Variants in TASP1 observed in about 807,000 individuals in gnomAD.
The protein encoded by TASP1 is threonine aspartase 1.
TASP1 carries 16 observed loss-of-function variants against 56.6 expected under a neutral mutation model. That is an observed-to-expected ratio of 0.28 (90% CI 0.19 to 0.43). The LOEUF is 0.43. TASP1 is among the 20% of genes least tolerant of loss of function. The pLI is 1.00. For missense variants in TASP1, 393 were observed against 511.6 expected (o/e 0.77, Z 2.24); for synonymous variants, 179 against 184.2 (o/e 0.97, Z 0.23).
intron 13 of TASP1, among the ~76,000 whole-genome samples, chr20:13,402,213 C>A (rs943272431): frequency 1.3e-5 from 2 of 152,106 alleles, no homozygotes; most frequent in African/African-American, 4.8e-5. Context: ...TGCTTTGGAG[C>A]AATGTTGAAT....
the TASP1 span, among the ~76,000 whole-genome samples, chr20:13,306,128 G>A: frequency 6.6e-6 from 1 of 152,160 alleles, no homozygotes; most frequent in African/African-American, 2.4e-5. Context: ...CTTGAGGCAT[G>A]TAATTCATGG....
chr20:13,635,572 G>A (rs2049275156), intron 1 of TASP1, among the ~76,000 whole-genome samples: 1 of 151,914 alleles, frequency 6.6e-6, no homozygotes, highest in African/African-American at 2.4e-5. Context: ...ATTTTTAGTA[G>A]AGACAGGAAT....
At chr20:13,107,643 C>T in the TASP1 span, among the ~76,000 whole-genome samples, 1 of 152,100 alleles carries the variant, frequency 6.6e-6, no homozygotes, top group Non-Finnish European at 1.5e-5. Context: ...AACAAAGATC[C>T]ACCATTCTTC....
chr20:13,121,026 A>G, the TASP1 span, among the ~76,000 whole-genome samples: 5 of 152,354 alleles, frequency 3.3e-5, no homozygotes, highest in African/African-American at 1.2e-4. Flanking sequence ...TCTTTGAAGG[A>G]AAGCCTAAGC....
At chr20:13,592,699 A>G (rs1283768744) in intron 4 of TASP1, among the ~76,000 whole-genome samples, 2 of 151,892 alleles carry the variant, frequency 1.3e-5, no homozygotes. Context: ...TTTCTATTTC[A>G]TTGATTTCTA....
the TASP1 span, among the ~76,000 whole-genome samples, chr20:13,260,859 G>A: frequency 6.6e-6 from 1 of 152,184 alleles, no homozygotes; most frequent in African/African-American, 2.4e-5. Flanking sequence ...TGGGTCAGCA[G>A]GGTGGCTCTC....
At chr20:13,367,378 A>G in the TASP1 span, among the ~76,000 whole-genome samples, 3 of 152,228 alleles carry the variant, frequency 2.0e-5, no homozygotes, top group African/African-American at 7.2e-5. Context: ...CCCATTCATC[A>G]TCATAATAGT....
the TASP1 span, among the ~76,000 whole-genome samples, chr20:13,247,594 T>G: frequency 6.7e-6 from 1 of 149,770 alleles, no homozygotes; most frequent in East Asian, 2.0e-4. Flanking sequence ...AAGAGAGACT[T>G]TAGCATGAGG....
chr20:13,496,723 C>T (rs144284591), intron 10 of TASP1, among the ~76,000 whole-genome samples: 20 of 152,258 alleles, frequency 1.3e-4, no homozygotes, highest in Admixed American at 2.6e-4. Flanking sequence ...ATATGTCTCA[C>T]AAGCCTCCAA....
intron 10 of TASP1, among the ~76,000 whole-genome samples, chr20:13,496,497 AAGG>A (rs981388665): frequency 7.7e-5 from 11 of 143,766 alleles, no homozygotes; most frequent in Non-Finnish European, 1.2e-4. Flanking sequence ...AAAAAAAAAA[AAGG>A]AGGAGGAGGA....
At chr20:13,415,940 G>C (rs1483928376) in intron 13 of TASP1, among the ~76,000 whole-genome samples, 3 of 152,098 alleles carry the variant, frequency 2.0e-5, no homozygotes, top group Non-Finnish European at 4.4e-5. Flanking sequence ...GGATTCTTGG[G>C]GTTTATCAGG....
the TASP1 span, among the ~76,000 whole-genome samples, chr20:13,346,691 G>A: frequency 2.0e-5 from 3 of 152,316 alleles, no homozygotes; most frequent in South Asian, 2.1e-4. Context: ...TGAAACTGGC[G>A]GCCCCAGACC....
the TASP1 span, among the ~76,000 whole-genome samples, chr20:13,259,874 C>T: frequency 6.6e-6 from 1 of 152,216 alleles, no homozygotes; most frequent in Admixed American, 6.5e-5. Flanking sequence ...CCTTTTGCTT[C>T]ATTTCCAAGT....
chr20:13,299,200 C>T, the TASP1 span: 15 of 1,603,146 alleles, frequency 9.4e-6, no homozygotes, highest in East Asian at 4.5e-5. This position sits in a 1 kb window ranked among gnomAD's most constrained non-coding sequence, Gnocchi z 5.8. Context: ...GAGAGCACCA[C>T]GCTGGCGGCA....
chr20:13,199,166 G>T, the TASP1 span, among the ~76,000 whole-genome samples: 1 of 151,846 alleles, frequency 6.6e-6, no homozygotes, highest in South Asian at 2.1e-4. Context: ...GTCTCCCAAA[G>T]TTCTGGGATT....
the TASP1 span, among the ~76,000 whole-genome samples, chr20:13,269,814 T>C: frequency 6.6e-6 from 1 of 152,190 alleles, no homozygotes; most frequent in Non-Finnish European, 1.5e-5. Context: ...ATTGTTTATT[T>C]CCCTCACCTT....
At chr20:13,206,191 T>C in the TASP1 span, among the ~76,000 whole-genome samples, 2 of 152,170 alleles carry the variant, frequency 1.3e-5, no homozygotes, top group Non-Finnish European at 2.9e-5. Context: ...ACTGGATGCA[T>C]GGACAGCATT....
At chr20:13,363,953 G>T in the TASP1 span, among the ~76,000 whole-genome samples, 1 of 151,996 alleles carries the variant, frequency 6.6e-6, no homozygotes, top group Non-Finnish European at 1.5e-5. Flanking sequence ...AACTACTTAC[G>T]CAATTTATCA....
chr20:13,484,850 A>T (rs1313648000), intron 10 of TASP1, among the ~76,000 whole-genome samples: 2 of 152,160 alleles, frequency 1.3e-5, no homozygotes, highest in Non-Finnish European at 2.9e-5. Context: ...TGAAGCTGGA[A>T]ACCATCATTC....
Sources: allele counts gnomAD v4.1 joint callset (sites outside exome capture counted in the v4.1 genomes callset), GRCh38; gene constraint gnomAD v4.1.1; non-coding constraint Gnocchi (gnomAD v3.1); transcripts MANE v1.5; gene names NCBI Gene and HGNC (gene_info 2026-07-23, HGNC 2026-07-21).